DMXL1: variants seen among roughly 807,000 people sequenced by gnomAD.
DMXL1 encodes Dmx like 1.
In DMXL1, 99 loss-of-function variants were observed where a neutral mutation model predicts 319.2. The ratio of observed to expected loss-of-function variants is 0.31; its 90% CI spans 0.26 to 0.37. DMXL1 has a LOEUF of 0.37. Among genes scored for constraint, DMXL1 ranks in the 10% least tolerant of loss-of-function variants. The probability of loss-of-function intolerance (pLI) is 1.00; values close to 1 mark genes in which losing one functional copy is unlikely to be tolerated. For synonymous variants in DMXL1, 1,385 were observed against 1,235.2 expected (o/e 1.12, Z -2.54); for missense variants, 3,745 against 3,595.6 (o/e 1.04, Z -1.06).
At chr5:119,131,988 C>A (rs752046611) in intron 10 of DMXL1, among the ~76,000 whole-genome samples, 1 of 152,176 alleles carries the variant, frequency 6.6e-6, no homozygotes, top group Non-Finnish European at 1.5e-5. Context: ...ATATATACTT[C>A]TTCAAAATAA....
At chr5:119,105,400 G>C (rs1394089862) in intron 4 of DMXL1, 142 bp downstream of exon 4, 22 of 621,504 alleles carry the variant, frequency 3.5e-5, no homozygotes, top group Non-Finnish European at 6.1e-5. Context: ...TGCCCTTTTA[G>C]AGTTTATACT....
chr5:119,191,705 G>T (rs924066145), intron 29 of DMXL1, among the ~76,000 whole-genome samples: 2 of 152,046 alleles, frequency 1.3e-5, no homozygotes, highest in Admixed American at 6.6e-5. Flanking sequence ...TGAGATCTCT[G>T]TTGCTTTTGA....
At chr5:119,237,954 GA>G (rs1289442820) in intron 40 of DMXL1, among the ~76,000 whole-genome samples, 2 of 151,818 alleles carry the variant, frequency 1.3e-5, no homozygotes, top group Non-Finnish European at 2.9e-5. Flanking sequence ...ATTCCTATCA[GA>G]AAAAAAGTTA....
intron 30 of DMXL1, among the ~76,000 whole-genome samples, chr5:119,194,467 C>T (rs547615371): frequency 6.6e-6 from 1 of 152,218 alleles, no homozygotes; most frequent in Non-Finnish European, 1.5e-5. Flanking sequence ...GTTATTCTTA[C>T]ATTCATGAAT....
At chr5:119,231,337 T>G (rs1046515901) in intron 38 of DMXL1, among the ~76,000 whole-genome samples, 2 of 152,160 alleles carry the variant, frequency 1.3e-5, no homozygotes, top group Non-Finnish European at 2.9e-5. Context: ...AACCCATGAT[T>G]TCTTGTCCTT....
chr5:119,146,689 T>C (rs1768618817), intron 15 of DMXL1, 148 bp from the exon 16 acceptor site: 1 of 647,582 alleles, frequency 1.5e-6, no homozygotes, highest in Admixed American at 3.5e-5. Context: ...AGGATTTGAA[T>C]ATATTTTATA....
At chr5:119,133,048 C>T in intron 10 of DMXL1, 84 bp from the exon 11 acceptor site, 1 of 1,476,246 alleles carries the variant, frequency 6.8e-7, no homozygotes, top group Non-Finnish European at 9.2e-7. Flanking sequence ...TCCATGTGTT[C>T]AGCTATCCAG....
chr5:119,129,895 A>G (rs889913641), intron 10 of DMXL1, among the ~76,000 whole-genome samples: 1 of 152,226 alleles, frequency 6.6e-6, no homozygotes, highest in Non-Finnish European at 1.5e-5. Flanking sequence ...AAGAAAGCAT[A>G]GCTATTTGTC....
At chr5:119,088,792 C>T (rs1274889973) in intron 1 of DMXL1, among the ~76,000 whole-genome samples, 2 of 152,128 alleles carry the variant, frequency 1.3e-5, no homozygotes, top group East Asian at 1.9e-4. Flanking sequence ...ACATTTTTGG[C>T]TTTCAGTTGT....
In DMXL1 at chr5:119,199,636, C is replaced by A. The variant is rs577606142; in HGVS notation, c.7745+1680C>A. On this transcript the variant is annotated intron_variant, in intron 32 of 43. Transcript: ENST00000539542. ...TTCTGTTTTTAGCTCTTTGAGGAAT[C>A]GCCATACTGCTTTCCACAATGATTG... is the stretch of plus-strand genomic sequence containing the variant. Among the ~76,000 whole-genome samples, 3 of 152,290 alleles carry A rather than the reference C, an allele frequency of 2.0e-5. No individual in the cohort carries two copies. In the East Asian group the frequency reaches 5.8e-4, roughly 29 times the overall value.
intron 4 of DMXL1, among the ~76,000 whole-genome samples, chr5:119,106,809 A>C (rs1470968160): frequency 6.6e-6 from 1 of 152,208 alleles, no homozygotes. Flanking sequence ...ATTAATATTA[A>C]ATGAATTAAT....
At chr5:119,087,596 G>A (rs1202808859) in intron 1 of DMXL1, among the ~76,000 whole-genome samples, 1 of 152,066 alleles carries the variant, frequency 6.6e-6, no homozygotes, top group Non-Finnish European at 1.5e-5. Flanking sequence ...CTTGGGAATA[G>A]TCTATGTGCT....
At position 119,216,984 on chromosome 5, in the gene DMXL1, T is replaced by A; in HGVS notation, c.8010T>A (p.Asn2670Lys). The A allele has an allele frequency of 6.5e-7, 1 of 1,542,432 alleles. No individual in the cohort carries two copies. Among genetic ancestry groups the A allele is most frequent in the Non-Finnish European group, 8.9e-7 (1 of 1,124,466 alleles). The stretch of plus-strand genomic sequence containing the variant: ...ATATCATTACTGCGTTTGCTGTTAA[T>A]AAGGTAAGTACATAGACATTCTTCT... Reference protein sequence around the residue: ...ESDIITAFAVNKANRNCIAIA... With the variant: ...ESDIITAFAVKKANRNCIAIA... The change falls in exon 35 of 44, where the codon AAT becomes AAA. Residue 2670 changes from asparagine to lysine, a missense_variant. Asn to Lys is a moderately conservative substitution (Grantham distance 94). This residue lies in a region of DMXL1 where 1,382 missense variants were observed against 1,269.5 expected (regional missense o/e 1.09). Coordinates refer to ENST00000539542, the MANE Select transcript of DMXL1 (RefSeq NM_001290321.3).
At chr5:119,142,590 A>AGT (rs1767645296) in intron 13 of DMXL1, among the ~76,000 whole-genome samples, 1 of 150,682 alleles carries the variant, frequency 6.6e-6, no homozygotes, top group Non-Finnish European at 1.5e-5. Context: ...TGTTGATGGG[A>AGT]GTGTAAATTA....
intron 23 of DMXL1, among the ~76,000 whole-genome samples, chr5:119,169,201 C>T (rs1482469806): frequency 1.3e-5 from 2 of 152,164 alleles, no homozygotes; most frequent in African/African-American, 4.8e-5. Context: ...TTATACTTAA[C>T]ACATATTCAT....
chr5:119,162,139 A>G (rs990620916), intron 19 of DMXL1, among the ~76,000 whole-genome samples: 1 of 152,112 alleles, frequency 6.6e-6, no homozygotes, highest in African/African-American at 2.4e-5. Flanking sequence ...CTTGTACCGC[A>G]AGCAAATCAG....
At chr5:119,105,293 A>G (rs762259935) in intron 4 of DMXL1, 35 bp downstream of exon 4, 12 of 1,497,626 alleles carry the variant, frequency 8.0e-6, no homozygotes, top group Non-Finnish European at 7.4e-6. Context: ...AAAATGAAAT[A>G]TCACTTGCCT....
chr5:119,189,803 G>T lies in DMXL1; in HGVS notation c.7231G>T (p.Ala2411Ser). The T allele has an allele frequency of 6.2e-7, 1 of 1,614,114 alleles. No individual in the cohort carries two copies. The highest frequency in any genetic ancestry group is 8.5e-7 in the Non-Finnish European group (1 of 1,180,000). The change falls in exon 29 of 44, where the codon GCA becomes TCA. Residue 2411 changes from alanine (A) to serine (S), a missense_variant. Ala to Ser is a moderately conservative substitution (Grantham distance 99). Transcript: ENST00000539542. The stretch of plus-strand genomic sequence containing the variant: ...ATCTGCCCCACTGACCCCTTCCTCG[G>T]CACCAGTAAGCCAGGAGTCACTGGC... ...RESAPLTPSSAPVSQESLAVK... is the reference protein window; with the variant it reads ...RESAPLTPSSSPVSQESLAVK...
In DMXL1 at chr5:119,197,783, T is replaced by C. The variant is rs183204009; in HGVS notation, c.7572T>C (p.His2524=). 6.0e-5 allele frequency: 97 copies of C among 1,614,172 alleles called. No individual in the cohort carries two copies. In the African/African-American group the frequency reaches 1.2e-3, roughly 20 times the overall value. The stretch of plus-strand genomic sequence containing the variant: ...TTCCAGTTAGTTCACCTCTTTGTCA[T>C]GCGGTTCTAAAAACTCTTCAATGTT... ...AELPVSSPLC[H]AVLKTLQCWE... is the part of the protein sequence containing the mutation. The change falls in exon 32 of 44, where the codon CAT becomes CAC. Residue 2524 remains histidine (H), a synonymous_variant. Coordinates refer to ENST00000539542, the MANE Select transcript of DMXL1 (RefSeq NM_001290321.3).
Sources: allele counts gnomAD v4.1 joint callset (sites outside exome capture counted in the v4.1 genomes callset), GRCh38; gene constraint gnomAD v4.1.1; regional missense constraint gnomAD v4.1.1; transcripts MANE v1.5; gene names NCBI Gene and HGNC (gene_info 2026-07-23, HGNC 2026-07-21).